The following MBP variants were observed in gnomAD, a reference collection of about 807,000 sequenced individuals.
MBP encodes Golli-MBP.
A neutral mutation model predicts 35.8 loss-of-function variants in MBP; 16 were observed. That is an observed-to-expected ratio of 0.45 (90% confidence interval 0.30 to 0.68). The LOEUF is 0.68. Among genes scored for constraint, MBP ranks in the 30% least tolerant of loss-of-function variants. The pLI is 0.08. For missense variants in MBP, 380 were observed against 404.7 expected, an observed-to-expected ratio of 0.94 and a Z score of 0.52; for synonymous variants, 143 against 159.6, an observed-to-expected ratio of 0.90 and a Z score of 0.78.
At chr18:77,002,728 G>A (rs1970705108) in intron 4 of MBP, 1 of 152,234 alleles carries the variant, frequency 6.6e-6, no homozygotes, top group Non-Finnish European at 1.5e-5. Context: ...CATGCCAAGC[G>A]AGACTCTTGT....
At position 77,036,581 on chromosome 18, in the gene MBP, G is replaced by A. The variant is rs768399433; in HGVS notation, c.140-19313C>T. On this transcript the variant is annotated intron_variant, in intron 3 of 8. Coordinates refer to ENST00000355994, the MANE Select transcript of MBP (RefSeq NM_001025101.2). ...AGCAAGTGCTGGTCACATTTTGGAG[G>A]ACTGAGCTGAGCAAGTGCTGGTCAC... Among the ~76,000 whole-genome samples, 1,039 of 112,568 alleles carry A rather than the reference G, an allele frequency of 9.2e-3. 5 individuals carry two copies. Among genetic ancestry groups the A allele is most frequent in the Non-Finnish European group, 0.013 (764 of 57,490 alleles). 73.8% of individuals were successfully genotyped at this position (112,568 alleles called of 152,430 possible). A position where few individuals can be genotyped will look rare whatever the true frequency, so the allele number is the denominator to read the frequency against.
chr18:76,988,517 A>G lies in MBP; in HGVS notation c.728T>C (p.Leu243Pro), dbSNP rs757281991. The part of the protein sequence containing the change: ...PPPSQGKGRG[L>P]SLSRFSWGAE... ...TACCCAGCTAAATCTGCTCAGGGAC[A>G]GTCCTCTCCCCTGCATGAGGAAGAC... The change falls in exon 7 of 9, where the codon CTG (leucine) becomes CCG (proline). Residue 243 changes from leucine (L) to proline (P), a missense_variant. Leu to Pro is a moderately conservative substitution (Grantham distance 98, BLOSUM62 -3). Transcript: ENST00000355994. The surrounding 1 kb of genome is among the most constrained non-coding windows in gnomAD (Gnocchi z 5.2). 2 of 1,613,352 alleles carry G rather than the reference A, an allele frequency of 1.2e-6. No individual in the cohort carries two copies. The highest frequency in any genetic ancestry group is 1.7e-6 in the Non-Finnish European group (2 of 1,179,300).
rs73968298 is a variant in MBP at position 77,076,774 on chromosome 18, C to T, written c.52-10389G>A. 4.6e-3 allele frequency among the ~76,000 whole-genome samples: 700 copies of T among 152,220 alleles called. 7 individuals are homozygous for T. The highest frequency in any genetic ancestry group is 0.016 in the African/African-American group (661 of 41,546). On this transcript the variant is annotated intron_variant, in intron 2 of 8. Coordinates refer to ENST00000355994, the MANE Select transcript of MBP (RefSeq NM_001025101.2). Reference sequence around the variant, plus strand: ...AAACTTTTGAGTATGAGGTTAAACACACACCTGATTCCAGCAAGTAGGCAC... The same window carrying T: ...AAACTTTTGAGTATGAGGTTAAACATACACCTGATTCCAGCAAGTAGGCAC...
intron 3 of MBP, 66 bp downstream of exon 3, chr18:77,066,232 C>T (rs1350368452): frequency 6.7e-6 from 8 of 1,197,224 alleles, no homozygotes; most frequent in South Asian, 3.7e-5. Flanking sequence ...AAGGCTTCCC[C>T]GAGTGAGAGT....
chr18:77,104,358 G>A (rs2145128501), intron 2 of MBP, among the ~76,000 whole-genome samples: 1 of 152,350 alleles, frequency 6.6e-6, no homozygotes, highest in Admixed American at 6.5e-5. Flanking sequence ...ATTCCAATAT[G>A]CAGGCAGGCC....
chr18:77,056,278 A>G (rs1973716732), intron 3 of MBP, among the ~76,000 whole-genome samples: 1 of 152,230 alleles, frequency 6.6e-6, no homozygotes, highest in Admixed American at 6.5e-5. Context: ...CCATTGGCCC[A>G]GACAGCCTTG....
intron 3 of MBP, among the ~76,000 whole-genome samples, chr18:77,023,318 C>T (rs1422658513): frequency 2.0e-5 from 3 of 152,188 alleles, no homozygotes; most frequent in Non-Finnish European, 2.9e-5. Flanking sequence ...TGAAAGGTCA[C>T]GTGGCCTCAT....
At chr18:77,091,318 A>C (rs924925442) in intron 2 of MBP, among the ~76,000 whole-genome samples, 22 of 152,202 alleles carry the variant, frequency 1.4e-4, no homozygotes, top group African/African-American at 5.3e-4. Flanking sequence ...GCATTCAATA[A>C]ATTATTTAAT....
chr18:77,034,416 A>C (rs1972672084), intron 3 of MBP, among the ~76,000 whole-genome samples: 1 of 152,154 alleles, frequency 6.6e-6, no homozygotes, highest in African/African-American at 2.4e-5. Flanking sequence ...GGAGACCGGG[A>C]GTGCAGACTC....
chr18:77,036,209 G>A (rs1703445505), intron 3 of MBP, among the ~76,000 whole-genome samples: 1 of 126,528 alleles, frequency 7.9e-6, no homozygotes, highest in Non-Finnish European at 1.7e-5. Context: ...AGACTGAGCT[G>A]AGCAAGTGCT....
rs1015776143 is a variant in MBP, at chr18:77,020,563, A to C, written c.140-3295T>G. Among the ~76,000 whole-genome samples, 4 of 152,180 alleles carry C rather than the reference A, an allele frequency of 2.6e-5. No individual in the cohort carries two copies. The highest frequency in any genetic ancestry group is 7.2e-5 in the African/African-American group (3 of 41,446). ...CTCCTCAGAGTCACATGGGAGGCTG[A>C]ATTTCCCAGCACATGCTGTGACCCC... On this transcript the variant is annotated intron_variant, in intron 3 of 8. Transcript: ENST00000355994. The surrounding 1 kb of genome is among the most constrained non-coding windows in gnomAD (Gnocchi z 4.1).
At chr18:77,068,694 C>A (rs1234618117) in intron 2 of MBP, among the ~76,000 whole-genome samples, 1 of 152,122 alleles carries the variant, frequency 6.6e-6, no homozygotes, top group South Asian at 2.1e-4. Context: ...TTCCAGATTG[C>A]GAGTCACAGA....
chr18:77,010,040 G>C (rs1599054520), intron 4 of MBP: 1 of 725,694 alleles, frequency 1.4e-6, no homozygotes, highest in East Asian at 2.7e-5. Context: ...CCAGAGTGAG[G>C]AGGAGTGAGC....
intron 2 of MBP, among the ~76,000 whole-genome samples, chr18:77,081,786 A>ACACGCATATATATATG (rs1568329874): frequency 6.7e-5 from 10 of 148,618 alleles, no homozygotes; most frequent in Admixed American, 2.0e-4. Context: ...ACACACACAC[A>ACACGCATATATATATG]CACACACGTA....
At chr18:76,993,527 G>A (rs926837721) in intron 4 of MBP, among the ~76,000 whole-genome samples, 10 of 146,300 alleles carry the variant, frequency 6.8e-5, no homozygotes, top group Non-Finnish European at 1.5e-4. Flanking sequence ...TTCAGCCTGG[G>A]CGACAGAGCG....
chr18:76,988,039 C>T lies in MBP; in HGVS notation c.750+456G>A, dbSNP rs1279715605. On this transcript the variant is annotated intron_variant, in intron 7 of 8. Coordinates refer to ENST00000355994, the MANE Select transcript of MBP (RefSeq NM_001025101.2). This position sits in a 1 kb window ranked among gnomAD's most constrained non-coding sequence, Gnocchi z 5.2. The stretch of plus-strand genomic sequence containing the variant: ...TATAAATCGAGCAACTCTATTTAGC[C>T]TCTTTTTCTGTTCATCAGCAGAATC... The T allele has an allele frequency of 7.1e-7, 1 of 1,403,786 alleles. No individual in the cohort carries two copies. The highest frequency in any genetic ancestry group is 9.3e-7 in the Non-Finnish European group (1 of 1,078,908). 87.0% of individuals were successfully genotyped at this position (1,403,786 alleles called of 1,614,324 possible).
At chr18:77,120,222 G>A (rs1408325914) in intron 1 of MBP, among the ~76,000 whole-genome samples, 6 of 152,236 alleles carry the variant, frequency 3.9e-5, no homozygotes, top group East Asian at 1.9e-4. Context: ...ACACGCTCCC[G>A]TAGGCTTCTC....
intron 1 of MBP, among the ~76,000 whole-genome samples, chr18:77,118,657 C>CAT (rs1438139876): frequency 8.6e-5 from 12 of 139,312 alleles, no homozygotes; most frequent in African/African-American, 3.2e-4. Context: ...CACACACACA[C>CAT]ACACACTACA....
intron 2 of MBP, among the ~76,000 whole-genome samples, chr18:77,075,190 G>C: frequency 6.6e-6 from 1 of 152,196 alleles, no homozygotes; most frequent in East Asian, 1.9e-4. Context: ...GCTTCTCCCA[G>C]GGATGGAATC....
Sources: allele counts gnomAD v4.1 joint callset (sites outside exome capture counted in the v4.1 genomes callset), GRCh38; gene constraint gnomAD v4.1.1; non-coding constraint Gnocchi (gnomAD v3.1); transcripts MANE v1.5; gene names NCBI Gene and HGNC (gene_info 2026-07-23, HGNC 2026-07-21).